HIVEP1: variants seen among roughly 807,000 people sequenced by gnomAD.
HIVEP1 encodes the protein zinc finger protein 40.
HIVEP1 carries 36 observed loss-of-function variants against 180.0 expected under a neutral mutation model. That is an observed-to-expected ratio of 0.20 (90% confidence interval 0.15 to 0.26). HIVEP1 has a LOEUF of 0.26. Ranked by LOEUF, HIVEP1 falls within the 10% of genes least tolerant of loss-of-function variation. The pLI is 1.00. For synonymous variants in HIVEP1, 1,239 were observed against 1,239.0 expected (o/e 1.00, Z 0.00); for missense variants, 3,143 against 3,268.7 (o/e 0.96, Z 0.94).
chr6:12,174,182 A>G, the HIVEP1 span, among the ~76,000 whole-genome samples: 4 of 152,206 alleles, frequency 2.6e-5, no homozygotes, highest in African/African-American at 7.2e-5. Flanking sequence ...GTCTTCATTA[A>G]AAGTATGTTA....
chr6:12,204,521 G>A, the HIVEP1 span, among the ~76,000 whole-genome samples: 5 of 152,100 alleles, frequency 3.3e-5, no homozygotes, highest in East Asian at 9.7e-4. Flanking sequence ...AAAATCCCCC[G>A]ACTAAGAACC....
At chr6:12,114,990 A>G (rs1261690785) in intron 3 of HIVEP1, among the ~76,000 whole-genome samples, 2 of 152,198 alleles carry the variant, frequency 1.3e-5, no homozygotes, top group African/African-American at 2.4e-5. Context: ...TTTTCAGCTG[A>G]CATGTCTCTG....
intron 7 of HIVEP1, among the ~76,000 whole-genome samples, chr6:12,144,724 A>G (rs533783888): frequency 6.6e-6 from 1 of 152,228 alleles, no homozygotes; most frequent in Non-Finnish European, 1.5e-5. Flanking sequence ...ATGAACAGAC[A>G]CTTCTCAAAA....
chr6:12,146,774 AT>A (rs879397978), intron 7 of HIVEP1, among the ~76,000 whole-genome samples: 190 of 145,872 alleles, frequency 1.3e-3, no homozygotes, highest in Admixed American at 1.9e-3. Flanking sequence ...TTTTTGAATG[AT>A]TTTTTTTTTT....
chr6:12,045,250 G>A (rs1770050268), intron 2 of HIVEP1, among the ~76,000 whole-genome samples: 1 of 152,228 alleles, frequency 6.6e-6, no homozygotes, highest in African/African-American at 2.4e-5. Flanking sequence ...CAGAGAAGCA[G>A]CTCATCACCT....
chr6:12,191,502 G>A, the HIVEP1 span, among the ~76,000 whole-genome samples: 2 of 152,308 alleles, frequency 1.3e-5, no homozygotes, highest in Middle Eastern at 3.4e-3. Context: ...GCTGAGGTGG[G>A]AGGATTGCTT....
rs147510333 is a variant in HIVEP1, at chr6:12,124,400, G to A, written c.4605G>A (p.Thr1535=). 3.8e-4 allele frequency: 607 copies of A among 1,613,980 alleles called. No homozygotes were observed. In the African/African-American group the frequency reaches 6.6e-3, roughly 18 times the overall value. ...QSTQLSLQVS[T]QGSKPDKNSV... ...CACAGCTATCTCTGCAAGTGTCTAC[G>A]CAGGGTAGCAAGCCAGATAAAAATT... The change falls in exon 4 of 9, where the codon ACG becomes ACA. Residue 1535 remains threonine, a synonymous_variant. Transcript: ENST00000379388.
At chr6:12,127,324 C>T (rs116235530) in intron 4 of HIVEP1, among the ~76,000 whole-genome samples, 4,728 of 152,248 alleles carry the variant, frequency 0.031, 103 homozygotes, top group Non-Finnish European at 0.047. Context: ...ACCAATGATA[C>T]TTTCTCAGTG....
intron 5 of HIVEP1, 51 bp from the exon 6 acceptor site, chr6:12,130,716 C>T: frequency 9.9e-7 from 1 of 1,007,390 alleles, no homozygotes; most frequent in Non-Finnish European, 1.4e-6. Flanking sequence ...TCAATATTTT[C>T]TCAGAGGCAT....
At chr6:12,036,283 A>G (rs1769271870) in intron 2 of HIVEP1, among the ~76,000 whole-genome samples, 1 of 152,230 alleles carries the variant, frequency 6.6e-6, no homozygotes, top group Non-Finnish European at 1.5e-5. Context: ...AGACTAATAA[A>G]TTGATCTTAT....
chr6:12,037,227 A>G (rs1346961358), intron 2 of HIVEP1, among the ~76,000 whole-genome samples: 4 of 152,176 alleles, frequency 2.6e-5, no homozygotes, highest in Non-Finnish European at 5.9e-5. Context: ...CACTTCTTGC[A>G]GGTTTTTCAT....
At chr6:12,139,487 G>A (rs1758885537) in intron 7 of HIVEP1, among the ~76,000 whole-genome samples, 2 of 152,218 alleles carry the variant, frequency 1.3e-5, no homozygotes, top group Admixed American at 6.5e-5. Flanking sequence ...GGACTGGTTG[G>A]ACAGTGGGTG....
chr6:12,072,955 T>C (rs1393728356), intron 2 of HIVEP1, among the ~76,000 whole-genome samples: 1 of 152,238 alleles, frequency 6.6e-6, no homozygotes, highest in African/African-American at 2.4e-5. Context: ...GTTCTTATTC[T>C]TTTTACTGCT....
the HIVEP1 span, among the ~76,000 whole-genome samples, chr6:12,206,533 A>C: frequency 1.3e-5 from 2 of 152,192 alleles, no homozygotes; most frequent in Non-Finnish European, 2.9e-5. Context: ...GCCACAAGCC[A>C]AGGAATTTTG....
chr6:12,103,184 G>A (rs1238887375), intron 3 of HIVEP1, among the ~76,000 whole-genome samples: 4 of 147,690 alleles, frequency 2.7e-5, no homozygotes, highest in East Asian at 2.0e-4. Context: ...TGTTGATTAT[G>A]TAATAATAAT....
At chr6:12,079,567 G>A (rs367823241) in intron 2 of HIVEP1, among the ~76,000 whole-genome samples, 1 of 152,154 alleles carries the variant, frequency 6.6e-6, no homozygotes, top group African/African-American at 2.4e-5. Context: ...TGGCTGATAA[G>A]ACTTTTCTCC....
At chr6:12,108,406 G>A (rs540439782) in intron 3 of HIVEP1, among the ~76,000 whole-genome samples, 2 of 152,332 alleles carry the variant, frequency 1.3e-5, no homozygotes, top group Admixed American at 1.3e-4. Flanking sequence ...CAGCCCTTGG[G>A]TGGTCAATGG....
chr6:12,153,614 T>TTTTA (rs1161401553), intron 7 of HIVEP1, among the ~76,000 whole-genome samples: 3 of 151,482 alleles, frequency 2.0e-5, no homozygotes, highest in Non-Finnish European at 2.9e-5. Context: ...ATAAGAGCAC[T>TTTTA]TTTAGGTTCT....
the HIVEP1 span, among the ~76,000 whole-genome samples, chr6:12,205,745 T>G: frequency 6.6e-6 from 1 of 152,214 alleles, no homozygotes; most frequent in East Asian, 1.9e-4. Context: ...AAAAATCACT[T>G]AAAATGTACT....
Sources: allele counts gnomAD v4.1 joint callset (sites outside exome capture counted in the v4.1 genomes callset), GRCh38; gene constraint gnomAD v4.1.1; transcripts MANE v1.5; gene names NCBI Gene and HGNC (gene_info 2026-07-23, HGNC 2026-07-21).